Variants in ROBO1 observed in about 807,000 individuals in gnomAD.
ROBO1 encodes roundabout homolog 1.
ROBO1 carries 149 observed loss-of-function variants against 195.9 expected under a neutral mutation model. The observed-to-expected ratio is 0.76, with a 90% CI of 0.67 to 0.87. The LOEUF (loss-of-function observed/expected upper bound fraction) is 0.87. Ranked by LOEUF, ROBO1 falls within the 40% of genes least tolerant of loss-of-function variation. ROBO1 has a pLI of 0.00. For synonymous variants in ROBO1, 816 were observed against 733.2 expected (o/e 1.11, Z -1.82); for missense variants, 1,933 against 2,068.3 (o/e 0.93, Z 1.27).
intron 3 of ROBO1, among the ~76,000 whole-genome samples, chr3:78,961,022 C>G (rs1270146042): frequency 6.6e-6 from 1 of 152,100 alleles, no homozygotes; most frequent in Non-Finnish European, 1.5e-5. Context: ...TGCCACTTTT[C>G]AGAGTTCTCA....
chr3:79,191,712 A>C (rs2081543446), intron 2 of ROBO1, among the ~76,000 whole-genome samples: 1 of 151,466 alleles, frequency 6.6e-6, no homozygotes, highest in Admixed American at 6.6e-5. Context: ...GAATCTGATT[A>C]ATGGGAGCAG....
At chr3:79,525,767 G>T (rs1416725380) in intron 2 of ROBO1, among the ~76,000 whole-genome samples, 1 of 151,452 alleles carries the variant, frequency 6.6e-6, no homozygotes, top group African/African-American at 2.4e-5. Flanking sequence ...CATCACACCC[G>T]GCTAAATTTT....
At chr3:79,541,445 G>T (rs999471372) in intron 2 of ROBO1, among the ~76,000 whole-genome samples, 9 of 152,074 alleles carry the variant, frequency 5.9e-5, no homozygotes, top group Non-Finnish European at 1.3e-4. Context: ...AGGGATTTTA[G>T]AGAAGGGAAT....
chr3:79,078,990 T>G (rs1454569151), intron 3 of ROBO1, among the ~76,000 whole-genome samples: 1 of 151,758 alleles, frequency 6.6e-6, no homozygotes, highest in East Asian at 1.9e-4. Flanking sequence ...AGAAATCATC[T>G]TAGAAATTAT....
chr3:78,630,243 T>C (rs1705102443), intron 25 of ROBO1, among the ~76,000 whole-genome samples: 1 of 152,196 alleles, frequency 6.6e-6, no homozygotes, highest in South Asian at 2.1e-4. Flanking sequence ...GCCCTGTATT[T>C]CTCCTAGGCC....
At chr3:78,745,452 T>C (rs1477793291) in intron 5 of ROBO1, among the ~76,000 whole-genome samples, 1 of 151,962 alleles carries the variant, frequency 6.6e-6, no homozygotes, top group Non-Finnish European at 1.5e-5. Context: ...TTATAGATAA[T>C]GGTCATTAAA....
At chr3:79,432,977 A>G (rs2038737836) in intron 2 of ROBO1, among the ~76,000 whole-genome samples, 1 of 152,196 alleles carries the variant, frequency 6.6e-6, no homozygotes, top group African/African-American at 2.4e-5. Context: ...AATTATGTAT[A>G]GTTATTTTTA....
intron 2 of ROBO1, among the ~76,000 whole-genome samples, chr3:79,204,393 C>G (rs1156985381): frequency 6.6e-6 from 1 of 151,900 alleles, no homozygotes; most frequent in Non-Finnish European, 1.5e-5. Flanking sequence ...TTGCCTCTAG[C>G]TCTAATGAGG....
At chr3:79,632,516 A>T (rs929025425) in intron 1 of ROBO1, among the ~76,000 whole-genome samples, 2 of 152,144 alleles carry the variant, frequency 1.3e-5, no homozygotes, top group Non-Finnish European at 2.9e-5. Flanking sequence ...AAAATTACCC[A>T]TTGGGTACAA....
At chr3:78,889,266 G>A (rs1237041607) in intron 4 of ROBO1, among the ~76,000 whole-genome samples, 1 of 152,192 alleles carries the variant, frequency 6.6e-6, no homozygotes, top group Non-Finnish European at 1.5e-5. Flanking sequence ...AATGAAGGAT[G>A]AGCCAGGACA....
At chr3:79,398,396 C>T (rs1457317794) in intron 2 of ROBO1, among the ~76,000 whole-genome samples, 3 of 152,026 alleles carry the variant, frequency 2.0e-5, no homozygotes, top group South Asian at 2.1e-4. Context: ...TGGACTTCCA[C>T]GTGAAATCAC....
At chr3:79,337,316 A>G (rs2109206896) in intron 2 of ROBO1, among the ~76,000 whole-genome samples, 1 of 152,278 alleles carries the variant, frequency 6.6e-6, no homozygotes, top group African/African-American at 2.4e-5. Flanking sequence ...GAGTTGTAAT[A>G]ATCCCCATGT....
chr3:79,270,341 C>A (rs903308279), intron 2 of ROBO1, among the ~76,000 whole-genome samples: 11 of 151,626 alleles, frequency 7.3e-5, no homozygotes, highest in African/African-American at 2.7e-4. Flanking sequence ...GATCTTACTG[C>A]TTTAATACTA....
chr3:79,241,711 T>A (rs1434065026), intron 2 of ROBO1, among the ~76,000 whole-genome samples: 1 of 149,800 alleles, frequency 6.7e-6, no homozygotes, highest in Non-Finnish European at 1.5e-5. Flanking sequence ...AATAACAATA[T>A]TTATATAAAT....
chr3:78,809,828 C>G (rs150794770), intron 4 of ROBO1, among the ~76,000 whole-genome samples: 1 of 151,514 alleles, frequency 6.6e-6, no homozygotes, highest in African/African-American at 2.4e-5. Context: ...CATCACACAC[C>G]GAAGCCTCTT....
At chr3:79,093,494 T>C (rs1378711407) in intron 3 of ROBO1, among the ~76,000 whole-genome samples, 1 of 152,092 alleles carries the variant, frequency 6.6e-6, no homozygotes, top group African/African-American at 2.4e-5. Flanking sequence ...GCATTGACAG[T>C]ACATGACGAA....
At chr3:78,957,307 A>G (rs2041098709) in intron 3 of ROBO1, among the ~76,000 whole-genome samples, 1 of 151,924 alleles carries the variant, frequency 6.6e-6, no homozygotes, top group Non-Finnish European at 1.5e-5. Context: ...AATGCCAAAA[A>G]AAAAAAAAAA....
At chr3:78,710,892 A>G (rs770241241) in intron 8 of ROBO1, among the ~76,000 whole-genome samples, 5 of 152,192 alleles carry the variant, frequency 3.3e-5, no homozygotes, top group Non-Finnish European at 5.9e-5. Flanking sequence ...AAATAAATTT[A>G]TGTGCTCCAA....
At chr3:79,274,936 A>C (rs1320741503) in intron 2 of ROBO1, among the ~76,000 whole-genome samples, 1 of 152,034 alleles carries the variant, frequency 6.6e-6, no homozygotes, top group African/African-American at 2.4e-5. Context: ...TGAACTATGA[A>C]GAAATCTAAA....
Sources: allele counts gnomAD v4.1 joint callset (sites outside exome capture counted in the v4.1 genomes callset), GRCh38; gene constraint gnomAD v4.1.1; transcripts MANE v1.5; gene names NCBI Gene and HGNC (gene_info 2026-07-23, HGNC 2026-07-21).